PCDH15: variants seen among roughly 807,000 people sequenced by gnomAD.
The protein encoded by PCDH15 is protocadherin-15.
A neutral mutation model predicts 178.5 loss-of-function variants in PCDH15; 129 were observed. The ratio of observed to expected loss-of-function variants is 0.72; its 90% confidence interval spans 0.63 to 0.84. The LOEUF (loss-of-function observed/expected upper bound fraction) is 0.84, where lower values mean the gene tolerates loss of function less well. Among genes scored for constraint, PCDH15 ranks in the 40% least tolerant of loss-of-function variants. The pLI is 0.00. For synonymous variants in PCDH15, 800 were observed against 732.0 expected (o/e 1.09, Z -1.50); for missense variants, 2,230 against 2,099.9 (o/e 1.06, Z -1.21).
intron 1 of PCDH15, among the ~76,000 whole-genome samples, chr10:54,779,479 C>CGT (rs1950097174): frequency 2.9e-5 from 2 of 69,618 alleles, no homozygotes; most frequent in Non-Finnish European, 6.0e-5. Context: ...TATATACACA[C>CGT]ATATATATGT....
chr10:53,824,392 A>T (rs1379382721), intron 32 of PCDH15, among the ~76,000 whole-genome samples: 1 of 152,110 alleles, frequency 6.6e-6, no homozygotes, highest in Non-Finnish European at 1.5e-5. Flanking sequence ...CTTAATATTT[A>T]CCCACTTAGC....
intron 3 of PCDH15, among the ~76,000 whole-genome samples, chr10:54,877,240 A>G (rs1040239096): frequency 3.0e-4 from 45 of 152,150 alleles, no homozygotes; most frequent in African/African-American, 1.1e-3. Flanking sequence ...TAATTTTTAT[A>G]TGCACTGGGG....
intron 2 of PCDH15, chr10:55,513,127 A>T: frequency 6.6e-6 from 1 of 152,172 alleles, no homozygotes; most frequent in African/African-American, 2.4e-5. Flanking sequence ...CAACGTGATT[A>T]ATGTTCTTTG....
chr10:54,873,483 TATA>T (rs966829893), intron 3 of PCDH15, among the ~76,000 whole-genome samples: 60 of 148,886 alleles, frequency 4.0e-4, no homozygotes, highest in African/African-American at 1.4e-3. Context: ...TTTATATATA[TATA>T]ATATATATAC....
intron 2 of PCDH15, among the ~76,000 whole-genome samples, chr10:55,053,263 T>TA (rs1841211255): frequency 6.6e-6 from 1 of 152,160 alleles, no homozygotes; most frequent in Non-Finnish European, 1.5e-5. Flanking sequence ...TAGCACAAAG[T>TA]AGTGCTCTGA....
At chr10:54,281,009 A>G (rs2058671765) in intron 8 of PCDH15, among the ~76,000 whole-genome samples, 1 of 151,930 alleles carries the variant, frequency 6.6e-6, no homozygotes, top group Non-Finnish European at 1.5e-5. Context: ...GTGTATGTAT[A>G]TATACACAGA....
chr10:54,105,289 T>G lies in PCDH15; in HGVS notation c.1918-15226A>C, dbSNP rs1214074588. ...ACATATAGATGGAGATATATATATA[T>G]ATATATATATATATATATATATATA... On this transcript the variant is annotated intron_variant, in intron 15 of 37. Coordinates refer to ENST00000644397, the MANE Select transcript of PCDH15 (RefSeq NM_001384140.1). 3.4e-4 allele frequency among the ~76,000 whole-genome samples: 28 copies of G among 83,104 alleles called. No homozygotes were observed. In the East Asian group the frequency reaches 5.2e-3, roughly 15 times the overall value. 54.5% of individuals were successfully genotyped at this position (83,104 alleles called of 152,430 possible).
intron 1 of PCDH15, among the ~76,000 whole-genome samples, chr10:54,774,303 C>T (rs938147380): frequency 9.9e-5 from 15 of 152,090 alleles, no homozygotes; most frequent in Non-Finnish European, 2.2e-4. Context: ...GCTGCGATTA[C>T]AGGCTTGAGC....
At chr10:55,056,497 T>A (rs989099710) in intron 2 of PCDH15, among the ~76,000 whole-genome samples, 1 of 146,970 alleles carries the variant, frequency 6.8e-6, no homozygotes, top group Non-Finnish European at 1.5e-5. Context: ...GTGCTCCTCA[T>A]AGAAATTCTT....
chr10:55,184,053 T>C (rs1483647036), intron 1 of PCDH15, among the ~76,000 whole-genome samples: 1 of 151,906 alleles, frequency 6.6e-6, no homozygotes, highest in East Asian at 1.9e-4. Flanking sequence ...CGTATAACTC[T>C]TGGTAATATT....
intron 3 of PCDH15, among the ~76,000 whole-genome samples, chr10:54,426,911 A>G (rs1267570421): frequency 2.0e-5 from 3 of 152,162 alleles, no homozygotes; most frequent in Non-Finnish European, 4.4e-5. Flanking sequence ...GAGTATAAAA[A>G]AAAAAAGAAT....
intron 1 of PCDH15, among the ~76,000 whole-genome samples, chr10:55,191,575 A>C (rs546534329): frequency 3.9e-5 from 6 of 152,042 alleles, no homozygotes; most frequent in Non-Finnish European, 8.8e-5. Flanking sequence ...ATGTAAAATT[A>C]TTTAATCTCT....
intron 8 of PCDH15, among the ~76,000 whole-genome samples, chr10:54,247,881 A>ATAT (rs1554857290): frequency 1.3e-5 from 2 of 148,494 alleles, no homozygotes; most frequent in African/African-American, 5.0e-5. Context: ...AAAAAAAAGA[A>ATAT]ATATGTATAT....
At chr10:55,504,590 C>T (rs1054817403) in intron 2 of PCDH15, among the ~76,000 whole-genome samples, 9 of 150,882 alleles carry the variant, frequency 6.0e-5, no homozygotes, top group African/African-American at 2.2e-4. Flanking sequence ...TATAAAAAAA[C>T]GAAGAAGTAG....
chr10:54,044,148 T>C lies in PCDH15; in HGVS notation c.2221-20951A>G, dbSNP rs11004016. Among the ~76,000 whole-genome samples, 15 of 152,208 alleles carry C rather than the reference T, an allele frequency of 9.9e-5. No individual in the cohort carries two copies. The East Asian group carries it at 2.7e-3, about 28-fold the overall frequency. On this transcript the variant is annotated intron_variant, in intron 18 of 37. Coordinates refer to ENST00000644397, the MANE Select transcript of PCDH15 (RefSeq NM_001384140.1). ...TTGGAAGGGGTTGAAGGGAGAAAAG[T>C]ACATCTTACCAAGAGTTTAGTGGTA... is the stretch of plus-strand genomic sequence containing the variant.
chr10:53,966,133 G>T (rs1752342724), intron 21 of PCDH15, among the ~76,000 whole-genome samples: 1 of 151,708 alleles, frequency 6.6e-6, no homozygotes, highest in African/African-American at 2.4e-5. Flanking sequence ...GAACATACAT[G>T]TTACATAGTG....
intron 2 of PCDH15, among the ~76,000 whole-genome samples, chr10:54,553,256 C>T (rs1190724907): frequency 6.6e-6 from 1 of 152,130 alleles, no homozygotes; most frequent in Non-Finnish European, 1.5e-5. Context: ...CTGAGATCCC[C>T]TCTCTGATGT....
intron 2 of PCDH15, among the ~76,000 whole-genome samples, chr10:55,060,132 G>A (rs987608162): frequency 3.9e-5 from 6 of 151,902 alleles, no homozygotes; most frequent in Non-Finnish European, 7.4e-5. Context: ...CATATGATTC[G>A]TGAAAATATT....
At chr10:55,379,916 G>C (rs112543341) in intron 2 of PCDH15, among the ~76,000 whole-genome samples, 1,588 of 151,940 alleles carry the variant, frequency 0.01, 30 homozygotes, top group African/African-American at 0.036. Context: ...AAGTGCTAAG[G>C]GTACTAAAGA....
Sources: allele counts gnomAD v4.1 joint callset (sites outside exome capture counted in the v4.1 genomes callset), GRCh38; gene constraint gnomAD v4.1.1; transcripts MANE v1.5; gene names NCBI Gene and HGNC (gene_info 2026-07-23, HGNC 2026-07-21).